Variants in ADAMTS9 observed in about 807,000 individuals in gnomAD.
ADAMTS9 encodes ADAM metallopeptidase with thrombospondin type 1 motif 9.
Under a neutral mutation model 257.1 loss-of-function variants are expected in ADAMTS9, and 107 were observed. The ratio of observed to expected loss-of-function variants is 0.42; its 90% confidence interval spans 0.36 to 0.49. The LOEUF (loss-of-function observed/expected upper bound fraction) is 0.49. ADAMTS9 is among the 20% of genes least tolerant of loss of function. The pLI is 0.03. For missense variants in ADAMTS9, 2,353 were observed against 2,469.1 expected (o/e 0.95, Z 1.00); for synonymous variants, 982 against 880.9 (o/e 1.11, Z -2.03).
intron 38 of ADAMTS9, among the ~76,000 whole-genome samples, chr3:64,528,437 T>C (rs1460150662): frequency 6.6e-6 from 1 of 152,134 alleles, no homozygotes; most frequent in Non-Finnish European, 1.5e-5. Flanking sequence ...TGTCTGTCTG[T>C]CCCTCATGCA....
chr3:64,532,019 T>C (rs1288706106), intron 38 of ADAMTS9, among the ~76,000 whole-genome samples: 1 of 152,188 alleles, frequency 6.6e-6, no homozygotes, highest in Non-Finnish European at 1.5e-5. Context: ...ATTCTACTCC[T>C]GCCAGGTCCC....
chr3:64,529,606 A>G (rs1350088004), intron 38 of ADAMTS9, among the ~76,000 whole-genome samples: 1 of 152,228 alleles, frequency 6.6e-6, no homozygotes, highest in Non-Finnish European at 1.5e-5. Context: ...GAGTGGGAAC[A>G]GGATATGGCA....
intron 11 of ADAMTS9, among the ~76,000 whole-genome samples, chr3:64,644,261 G>T (rs544203662): frequency 3.3e-5 from 5 of 152,068 alleles, no homozygotes; most frequent in Non-Finnish European, 7.4e-5. Flanking sequence ...CCATTTTTAC[G>T]AAAAGAAAAT....
At chr3:64,636,182 T>A (rs773613830) in intron 12 of ADAMTS9, among the ~76,000 whole-genome samples, 1 of 152,232 alleles carries the variant, frequency 6.6e-6, no homozygotes, top group Admixed American at 6.5e-5. Context: ...TATTTATAGG[T>A]GGCTTCCCTT....
intron 28 of ADAMTS9, among the ~76,000 whole-genome samples, chr3:64,591,389 G>A (rs1258833378): frequency 6.6e-6 from 1 of 151,578 alleles, no homozygotes; most frequent in Non-Finnish European, 1.5e-5. Flanking sequence ...GCAGTGAGCC[G>A]AGATCGCACC....
intron 3 of ADAMTS9, among the ~76,000 whole-genome samples, chr3:64,668,977 C>A (rs1172790937): frequency 6.6e-6 from 1 of 152,148 alleles, no homozygotes; most frequent in Non-Finnish European, 1.5e-5. Context: ...ATAAGGCCTG[C>A]AGCTGAAACC....
At chr3:64,657,927 T>C (rs1006781984) in intron 4 of ADAMTS9, among the ~76,000 whole-genome samples, 4 of 152,020 alleles carry the variant, frequency 2.6e-5, no homozygotes, top group African/African-American at 7.3e-5. Flanking sequence ...AGTAGAAAAA[T>C]AGAATGAAAG....
Position 64,653,529 on chromosome 3 carries a change from T to A in ADAMTS9, c.1316+824A>T, listed in dbSNP as rs79993528. Among the ~76,000 whole-genome samples the A allele has an allele frequency of 8.5e-5, 13 of 152,340 alleles. No homozygotes were observed. The South Asian group carries it at 2.5e-3, about 29-fold the overall frequency. ...TGTGCCTCGTACACTACACTGCACA[T>A]AGGGGACCTTAAATGTATGAATGAA... On this transcript the variant is annotated intron_variant, in intron 8 of 39. Transcript: ENST00000498707.
At position 64,603,676 on chromosome 3, in the gene ADAMTS9, A is replaced by G. The variant is rs183117873; in HGVS notation, c.3747+246T>C. Among the ~76,000 whole-genome samples the G allele has an allele frequency of 1.5e-3, 223 of 152,288 alleles. 2 individuals are homozygous for G. In the Middle Eastern group the frequency reaches 0.017, roughly 12 times the overall value. ...TTCTGATCAGCCCAACAGGACAGAC[A>G]CTCAAGCAGACTGTAAACCGATTTA... On this transcript the variant is annotated intron_variant, in intron 25 of 39. Coordinates refer to ENST00000498707, the MANE Select transcript of ADAMTS9 (RefSeq NM_182920.2).
rs1453748563 is a variant in ADAMTS9, at chr3:64,596,868, C to T, written c.4141G>A (p.Gly1381Ser). ...KPDEQRACES[G>S]PCPQWAYGNW... is the part of the protein sequence containing the mutation. ...CCATAAGCCCACTGAGGACAAGGGCCGGATTCACAGGCTCTTTGCTCATCA... is the reference window on the plus strand; with the variant it reads ...CCATAAGCCCACTGAGGACAAGGGCTGGATTCACAGGCTCTTTGCTCATCA... The change falls in exon 27 of 40, where the codon GGC (glycine) becomes AGC (serine). Residue 1381 changes from glycine to serine, a missense_variant. Coordinates refer to ENST00000498707, the MANE Select transcript of ADAMTS9 (RefSeq NM_182920.2). 5.0e-6 allele frequency: 8 copies of T among 1,613,876 alleles called. No individual in the cohort carries two copies. Among genetic ancestry groups the T allele is most frequent in the Admixed American group, 3.3e-5 (2 of 59,988 alleles).
chr3:64,674,806 A>G (rs1701587040), intron 3 of ADAMTS9, among the ~76,000 whole-genome samples: 1 of 152,178 alleles, frequency 6.6e-6, no homozygotes, highest in Non-Finnish European at 1.5e-5. Context: ...TCTGCTCCCC[A>G]GCTCCGTCTC....
chr3:64,647,827 A>G lies in ADAMTS9; in HGVS notation c.1710+113T>C, dbSNP rs1700834410. ...ATCTGTCCTCTAAAAAATATTATGC[A>G]AGCTAAAACAGACTGCATTGTCTTA... is the stretch of plus-strand genomic sequence containing the variant. On this transcript the variant is annotated intron_variant, in intron 11 of 39. Coordinates refer to ENST00000498707, the MANE Select transcript of ADAMTS9 (RefSeq NM_182920.2). 8.4e-6 allele frequency: 7 copies of G among 833,914 alleles called. No homozygotes were observed. The South Asian group carries it at 1.0e-4, about 12-fold the overall frequency. The allele number at this position is 833,914 out of a possible 1,614,324, so 51.7% of individuals were successfully genotyped here. A position where few individuals can be genotyped will look rare whatever the true frequency, so the allele number is the denominator to read the frequency against.
chr3:64,604,124 C>T (rs755953197), intron 24 of ADAMTS9, 35 bp from the exon 25 acceptor site: 7 of 1,611,428 alleles, frequency 4.3e-6, no homozygotes, highest in Non-Finnish European at 5.1e-6. Flanking sequence ...AGTTATATTA[C>T]GTGGAATGGC....
intron 3 of ADAMTS9, among the ~76,000 whole-genome samples, chr3:64,667,636 TG>T (rs1446101372): frequency 6.6e-6 from 1 of 152,188 alleles, no homozygotes; most frequent in African/African-American, 2.4e-5. Flanking sequence ...GCATGAGAGC[TG>T]GGTGCACTAC....
At position 64,550,887 on chromosome 3, in the gene ADAMTS9, G is replaced by C. The variant is rs774424248; in HGVS notation, c.4869+5C>G. ...TGACGATGGTTACAGTTCCCAGGAC[G>C]GTACCTCTGACCATTCTCCTGTGAT... On this transcript the variant is annotated splice_donor_5th_base_variant and intron_variant, in intron 31 of 39. Coordinates refer to ENST00000498707, the MANE Select transcript of ADAMTS9 (RefSeq NM_182920.2). The C allele has an allele frequency of 6.2e-7, 1 of 1,614,010 alleles. No homozygotes were observed.
At chr3:64,618,559 T>C (rs1414247868) in intron 19 of ADAMTS9, among the ~76,000 whole-genome samples, 1 of 152,204 alleles carries the variant, frequency 6.6e-6, no homozygotes, top group Non-Finnish European at 1.5e-5. Context: ...GTGACCCTAG[T>C]TGCGTGCTTC....
At chr3:64,659,392 C>A (rs567508526) in intron 3 of ADAMTS9, among the ~76,000 whole-genome samples, 94 of 151,078 alleles carry the variant, frequency 6.2e-4, no homozygotes, top group African/African-American at 2.2e-3. Flanking sequence ...TGCTTGAACC[C>A]AGGAGGCAGA....
chr3:64,581,716 C>G (rs1249515116), intron 28 of ADAMTS9, among the ~76,000 whole-genome samples: 2 of 152,220 alleles, frequency 1.3e-5, no homozygotes, highest in Admixed American at 1.3e-4. Flanking sequence ...CCAATTAATT[C>G]TGAAAGACAG....
intron 19 of ADAMTS9, among the ~76,000 whole-genome samples, chr3:64,616,647 AG>A (rs2084771718): frequency 6.6e-6 from 1 of 152,204 alleles, no homozygotes; most frequent in African/African-American, 2.4e-5. Flanking sequence ...GGGACACAGT[AG>A]GTATTCAGTG....
Sources: gnomAD v4.1 joint callset for allele counts (sites outside exome capture counted in the v4.1 genomes callset) on GRCh38, gnomAD v4.1.1 for gene constraint, MANE v1.5 for transcripts, NCBI Gene and HGNC (gene_info 2026-07-23, HGNC 2026-07-21) for gene names.